Variants in CDC73 observed in about 807,000 individuals in gnomAD.
The protein encoded by CDC73 is parafibromin.
In CDC73, 21 loss-of-function variants were observed where a neutral mutation model predicts 83.7. The observed-to-expected ratio is 0.25, with a 90% confidence interval of 0.18 to 0.36. The LOEUF (loss-of-function observed/expected upper bound fraction) is 0.36. Among genes scored for constraint, CDC73 ranks in the 10% least tolerant of loss-of-function variants. CDC73 has a pLI of 1.00. For missense variants in CDC73, 342 were observed against 653.3 expected (o/e 0.52, Z 5.19); for synonymous variants, 224 against 212.9 (o/e 1.05, Z -0.45).
chr1:193,176,891 CT>C, intron 10 of CDC73, among the ~76,000 whole-genome samples: 1 of 152,260 alleles, frequency 6.6e-6, no homozygotes, highest in South Asian at 2.1e-4. Context: ...TAAGTGCCAC[CT>C]GCCTGCTGTT....
At chr1:193,159,731 CATAT>C (rs1422487175) in intron 10 of CDC73, among the ~76,000 whole-genome samples, 4 of 152,138 alleles carry the variant, frequency 2.6e-5, no homozygotes, top group African/African-American at 9.7e-5. Context: ...TTATATTAAA[CATAT>C]ATAATATTTT....
intron 10 of CDC73, among the ~76,000 whole-genome samples, chr1:193,152,862 C>T (rs2103133973): frequency 6.6e-6 from 1 of 152,234 alleles, no homozygotes; most frequent in Non-Finnish European, 1.5e-5. Flanking sequence ...TCACTGCAAC[C>T]TCCGCCTCCC....
At chr1:193,174,104 T>C (rs1676564778) in intron 10 of CDC73, among the ~76,000 whole-genome samples, 1 of 152,026 alleles carries the variant, frequency 6.6e-6, no homozygotes, top group South Asian at 2.1e-4. Context: ...AATTCCATGC[T>C]CTAAAGGGGC....
chr1:193,180,663 T>C, intron 10 of CDC73: 1 of 1,614,122 alleles, frequency 6.2e-7, no homozygotes, highest in Non-Finnish European at 8.5e-7. Context: ...GGTAGAGGTC[T>C]GGTGGCATGT....
chr1:193,163,275 G>A (rs1676374748), intron 10 of CDC73, among the ~76,000 whole-genome samples: 1 of 151,884 alleles, frequency 6.6e-6, no homozygotes, highest in Non-Finnish European at 1.5e-5. Flanking sequence ...GGAGGCTGAG[G>A]CGGGTGGATT....
chr1:193,159,780 CTT>C (rs1313378946), intron 10 of CDC73, among the ~76,000 whole-genome samples: 1 of 152,132 alleles, frequency 6.6e-6, no homozygotes, highest in African/African-American at 2.4e-5. Context: ...CAGATATACT[CTT>C]TTTCTCTAAT....
intron 10 of CDC73, among the ~76,000 whole-genome samples, chr1:193,165,287 A>G (rs1016435795): frequency 1.3e-5 from 2 of 152,230 alleles, no homozygotes; most frequent in African/African-American, 4.8e-5. Context: ...CTGCAAAGAC[A>G]TTACAATTTA....
intron 10 of CDC73, among the ~76,000 whole-genome samples, chr1:193,188,763 G>A (rs1676867078): frequency 6.6e-6 from 1 of 151,856 alleles, no homozygotes; most frequent in Admixed American, 6.6e-5. Flanking sequence ...TTCATTAGTG[G>A]GTCCCTCCAG....
intron 10 of CDC73, among the ~76,000 whole-genome samples, chr1:193,154,598 A>G (rs189299563): frequency 2.6e-5 from 4 of 152,196 alleles, no homozygotes; most frequent in Non-Finnish European, 4.4e-5. Context: ...CAACAGAAAG[A>G]CTAAAAATGG....
At chr1:193,130,277 C>G (rs771381757) in intron 3 of CDC73, 34 bp downstream of exon 3, 1 of 1,233,438 alleles carries the variant, frequency 8.1e-7, no homozygotes, top group South Asian at 1.2e-5. Flanking sequence ...CAGTCTTAAA[C>G]AGACATTGTT....
intron 13 of CDC73, among the ~76,000 whole-genome samples, chr1:193,224,278 A>G (rs995027728): frequency 6.6e-6 from 1 of 152,038 alleles, no homozygotes; most frequent in African/African-American, 2.4e-5. Context: ...GAGAAACAGC[A>G]TAAAGTCATA....
At chr1:193,233,483 G>A (rs1273240073) in intron 14 of CDC73, among the ~76,000 whole-genome samples, 2 of 152,186 alleles carry the variant, frequency 1.3e-5, no homozygotes, top group African/African-American at 4.8e-5. Flanking sequence ...GTGTGTTGAT[G>A]TATATTTACT....
chr1:193,129,368 G>A (rs1675648895), intron 2 of CDC73, among the ~76,000 whole-genome samples: 1 of 151,512 alleles, frequency 6.6e-6, no homozygotes, highest in Admixed American at 6.6e-5. Context: ...ATGACCTCAA[G>A]GGATGCGCCC....
intron 10 of CDC73, among the ~76,000 whole-genome samples, chr1:193,155,289 A>G (rs1212489019): frequency 6.6e-6 from 1 of 152,244 alleles, no homozygotes; most frequent in South Asian, 2.1e-4. Flanking sequence ...TTATAGCAAC[A>G]GAAACCCAGG....
At chr1:193,148,310 C>T (rs1362543223) in intron 8 of CDC73, among the ~76,000 whole-genome samples, 1 of 152,052 alleles carries the variant, frequency 6.6e-6, no homozygotes, top group African/African-American at 2.4e-5. Context: ...CTGTTAACTC[C>T]CAGTTTGGGG....
intron 1 of CDC73, among the ~76,000 whole-genome samples, chr1:193,123,471 C>T (rs1572140981): frequency 6.6e-6 from 1 of 152,320 alleles, no homozygotes; most frequent in East Asian, 1.9e-4. Context: ...AAATAATCTG[C>T]CCGCCTCCAC....
intron 10 of CDC73, among the ~76,000 whole-genome samples, chr1:193,170,850 A>G (rs758072355): frequency 6.6e-6 from 1 of 152,174 alleles, no homozygotes; most frequent in African/African-American, 2.4e-5. Flanking sequence ...AGTAAGTGCT[A>G]CACCCTGAAC....
At chr1:193,185,984 T>A (rs916080140) in intron 10 of CDC73, 3 of 152,226 alleles carry the variant, frequency 2.0e-5, no homozygotes, top group African/African-American at 7.2e-5. Context: ...AGGTAACACA[T>A]TTAAATGACT....
At chr1:193,223,865 CTT>C (rs1009532927) in intron 13 of CDC73, among the ~76,000 whole-genome samples, 9 of 140,878 alleles carry the variant, frequency 6.4e-5, no homozygotes, top group African/African-American at 1.0e-4. Context: ...TTCTTTTTTC[CTT>C]TTTTTTTTTG....
Sources: gnomAD v4.1 joint callset for allele counts (sites outside exome capture counted in the v4.1 genomes callset) on GRCh38, gnomAD v4.1.1 for gene constraint, MANE v1.5 for transcripts, NCBI Gene and HGNC (gene_info 2026-07-23, HGNC 2026-07-21) for gene names.